FAM169A: variants seen among roughly 807,000 people sequenced by gnomAD.
FAM169A encodes the protein family with sequence similarity 169 member A, also known as soluble lamin-associated protein of 75 kDa.
FAM169A carries 24 observed loss-of-function variants against 75.7 expected under a neutral mutation model. That is an observed-to-expected ratio of 0.32 (90% CI 0.23 to 0.45). FAM169A has a LOEUF of 0.45. FAM169A is among the 20% of genes least tolerant of loss of function. FAM169A has a pLI of 1.00. For synonymous variants in FAM169A, 271 were observed against 271.0 expected, an observed-to-expected ratio of 1.00 and a Z score of 0.00; for missense variants, 673 against 784.0, an observed-to-expected ratio of 0.86 and a Z score of 1.69.
chr5:74,813,803 A>T (rs1039700370), intron 6 of FAM169A, 37 bp downstream of exon 6: 5 of 1,421,332 alleles, frequency 3.5e-6, no homozygotes, highest in Non-Finnish European at 4.7e-6. Flanking sequence ...AAGTGACACA[A>T]AGACAAGTTT....
rs115374577 is a variant in FAM169A at position 74,795,971 on chromosome 5, T to C, written c.1260+59A>G. On this transcript the variant is annotated intron_variant, in intron 11 of 12. Transcript: ENST00000687041. ...GCTATACTTTTCTAACAACATGTGA[T>C]TAAGAAAGGTAAAATTTAGTTTACT... 4.4e-4 allele frequency: 671 copies of C among 1,538,026 alleles called. 2 individuals carry two copies. The African/African-American group carries it at 8.7e-3, about 20-fold the overall frequency.
intron 1 of FAM169A, among the ~76,000 whole-genome samples, chr5:74,860,484 A>G (rs1749975277): frequency 6.6e-6 from 1 of 152,096 alleles, no homozygotes; most frequent in Non-Finnish European, 1.5e-5. Context: ...TCAATTGATT[A>G]TTTTCATTCT....
At chr5:74,864,525 G>A (rs1750209384) in intron 1 of FAM169A, among the ~76,000 whole-genome samples, 1 of 152,210 alleles carries the variant, frequency 6.6e-6, no homozygotes, top group Non-Finnish European at 1.5e-5. Flanking sequence ...ACCGCACCCG[G>A]CCTATATCCC....
intron 1 of FAM169A, among the ~76,000 whole-genome samples, chr5:74,862,256 T>G (rs1431455199): frequency 6.6e-6 from 1 of 152,224 alleles, no homozygotes; most frequent in Non-Finnish European, 1.5e-5. Flanking sequence ...AACCCATTAT[T>G]GGTTCCCCAT....
chr5:74,842,765 G>C (rs943794638), intron 1 of FAM169A, among the ~76,000 whole-genome samples: 10 of 151,518 alleles, frequency 6.6e-5, no homozygotes, highest in African/African-American at 2.4e-4. Flanking sequence ...AAACACTAAA[G>C]GTTTTAACAC....
chr5:74,813,484 G>A (rs962009702), intron 6 of FAM169A, among the ~76,000 whole-genome samples: 9 of 151,888 alleles, frequency 5.9e-5, no homozygotes, highest in African/African-American at 9.7e-5. Context: ...GTGCCACCAC[G>A]CCCAGTTAAT....
At chr5:74,826,731 C>A (rs1748049333) in intron 5 of FAM169A, among the ~76,000 whole-genome samples, 1 of 152,088 alleles carries the variant, frequency 6.6e-6, no homozygotes. Flanking sequence ...TGTTAACATC[C>A]TATATAGCCA....
At chr5:74,838,848 G>C (rs765414548) in intron 4 of FAM169A, 117 bp downstream of exon 4, 227 of 749,574 alleles carry the variant, frequency 3.0e-4, no homozygotes, top group Non-Finnish European at 2.9e-4. Flanking sequence ...GAAATTCTAG[G>C]GTTTAATATA....
At chr5:74,786,342 A>G (rs1235055891) in intron 11 of FAM169A, among the ~76,000 whole-genome samples, 1 of 152,128 alleles carries the variant, frequency 6.6e-6, no homozygotes, top group East Asian at 1.9e-4. Context: ...GTTCTAGAGG[A>G]ACAGAATATT....
chr5:74,821,741 A>G (rs544063874), intron 5 of FAM169A, among the ~76,000 whole-genome samples: 29 of 152,326 alleles, frequency 1.9e-4, no homozygotes, highest in Admixed American at 1.3e-3. Flanking sequence ...CCTCACAATC[A>G]TGAAGGAACT....
At chr5:74,826,745 T>C in intron 5 of FAM169A, among the ~76,000 whole-genome samples, 1 of 152,198 alleles carries the variant, frequency 6.6e-6, no homozygotes, top group East Asian at 1.9e-4. Context: ...ATAGCCAAAA[T>C]ACTATTATCA....
At chr5:74,787,172 C>T (rs924608516) in intron 11 of FAM169A, among the ~76,000 whole-genome samples, 3 of 152,170 alleles carry the variant, frequency 2.0e-5, no homozygotes, top group Admixed American at 1.3e-4. Context: ...GGTGTGGGAA[C>T]GGATGTTAAG....
intron 10 of FAM169A, chr5:74,799,761 G>A (rs1470002358): frequency 1.9e-5 from 21 of 1,127,000 alleles, no homozygotes; most frequent in South Asian, 1.8e-4. Context: ...ATCTGTCTCA[G>A]ACAACAGCGC....
At chr5:74,850,450 G>T (rs530497118) in intron 1 of FAM169A, among the ~76,000 whole-genome samples, 1 of 152,334 alleles carries the variant, frequency 6.6e-6, no homozygotes, top group East Asian at 1.9e-4. Context: ...ATTTAAGCAT[G>T]AAGATACTGC....
At chr5:74,842,842 G>A (rs1287813779) in intron 1 of FAM169A, among the ~76,000 whole-genome samples, 1 of 152,108 alleles carries the variant, frequency 6.6e-6, no homozygotes, top group Non-Finnish European at 1.5e-5. Flanking sequence ...AATTAGACAA[G>A]AGAAAGCAAT....
chr5:74,801,145 A>G, intron 9 of FAM169A, 115 bp from the exon 10 acceptor site: 7 of 714,940 alleles, frequency 9.8e-6, no homozygotes, highest in Non-Finnish European at 1.5e-5. Flanking sequence ...TCCACATTAC[A>G]CAGGTTCACC....
At chr5:74,813,811 TTTA>T (rs1747332712) in intron 6 of FAM169A, 26 bp downstream of exon 6, 1 of 1,459,196 alleles carries the variant, frequency 6.9e-7, no homozygotes, top group Non-Finnish European at 9.1e-7. Context: ...CAAAGACAAG[TTTA>T]TTATTTTTTA....
chr5:74,812,453 T>C (rs1747250524), intron 6 of FAM169A, among the ~76,000 whole-genome samples: 1 of 151,914 alleles, frequency 6.6e-6, no homozygotes, highest in African/African-American at 2.4e-5. Flanking sequence ...AACTTTTTTT[T>C]TTTTTTAATT....
chr5:74,844,590 C>T (rs886232694), intron 1 of FAM169A, among the ~76,000 whole-genome samples: 4 of 152,186 alleles, frequency 2.6e-5, no homozygotes, highest in African/African-American at 9.6e-5. Flanking sequence ...GAGGCTGAGG[C>T]AGGCGGATCA....
Sources: allele counts gnomAD v4.1 joint callset (sites outside exome capture counted in the v4.1 genomes callset), GRCh38; gene constraint gnomAD v4.1.1; transcripts MANE v1.5; gene names NCBI Gene and HGNC (gene_info 2026-07-23, HGNC 2026-07-21).